Variants in SNX30 observed in about 807,000 individuals in gnomAD.
SNX30 encodes sorting nexin-30.
Under a neutral mutation model 46.4 loss-of-function variants are expected in SNX30, and 24 were observed. The ratio of observed to expected loss-of-function variants is 0.52; its 90% CI spans 0.37 to 0.73. The LOEUF is 0.73. Ranked by LOEUF, SNX30 falls within the 30% of genes least tolerant of loss-of-function variation. SNX30 has a pLI of 0.00. For missense variants in SNX30, 533 were observed against 555.7 expected (o/e 0.96, Z 0.41); for synonymous variants, 189 against 211.5 (o/e 0.89, Z 0.92).
At chr9:112,859,821 G>A (rs1841199624) in intron 7 of SNX30, among the ~76,000 whole-genome samples, 1 of 151,568 alleles carries the variant, frequency 6.6e-6, no homozygotes, top group South Asian at 2.1e-4. Flanking sequence ...TTCTGTTTTT[G>A]TTATTTTTTT....
chr9:112,815,966 C>A (rs1840390288), intron 2 of SNX30, among the ~76,000 whole-genome samples: 2 of 152,190 alleles, frequency 1.3e-5, no homozygotes, highest in African/African-American at 2.4e-5. Flanking sequence ...GCCTCAGCCT[C>A]TGAGTAGTAG....
chr9:112,850,394 A>G (rs1424158492), intron 6 of SNX30, among the ~76,000 whole-genome samples: 1 of 152,228 alleles, frequency 6.6e-6, no homozygotes, highest in East Asian at 1.9e-4. Context: ...TGAATCATTG[A>G]ACAGATCAGT....
At chr9:112,759,941 A>G (rs1016379165) in intron 1 of SNX30, among the ~76,000 whole-genome samples, 4 of 152,044 alleles carry the variant, frequency 2.6e-5, no homozygotes, top group Non-Finnish European at 5.9e-5. Context: ...TATATAGCGA[A>G]CCTTTAAGAA....
intron 3 of SNX30, among the ~76,000 whole-genome samples, chr9:112,820,967 A>G (rs1840482580): frequency 6.6e-6 from 1 of 152,160 alleles, no homozygotes; most frequent in Non-Finnish European, 1.5e-5. Context: ...TTTGGCTATT[A>G]TGAGTAATGC....
At chr9:112,836,726 A>T (rs922648312) in intron 5 of SNX30, among the ~76,000 whole-genome samples, 2 of 152,214 alleles carry the variant, frequency 1.3e-5, no homozygotes, top group African/African-American at 4.8e-5. Flanking sequence ...ACTGCCCTTC[A>T]TCCATAGGGA....
At chr9:112,855,768 A>G (rs1841116313) in intron 7 of SNX30, among the ~76,000 whole-genome samples, 2 of 152,112 alleles carry the variant, frequency 1.3e-5, no homozygotes, top group Non-Finnish European at 2.9e-5. Flanking sequence ...GGAGCTTTGG[A>G]TTCTGGAGAC....
intron 5 of SNX30, 32 bp downstream of exon 5, chr9:112,836,441 C>G (rs749912957): frequency 1.5e-5 from 23 of 1,562,302 alleles, no homozygotes; most frequent in Non-Finnish European, 2.0e-5. Context: ...CGATTATGCC[C>G]TGCAGCCACA....
chr9:112,756,435 CTTTTTTTTTTTTTTT>C (rs61338659), intron 1 of SNX30, among the ~76,000 whole-genome samples: 2 of 67,404 alleles, frequency 3.0e-5, no homozygotes, highest in Admixed American at 2.0e-4. Context: ...TGTAATCATC[CTTTTTTTTTTTTTTT>C]TTTTTTTTTT....
chr9:112,796,583 A>G (rs1840111835), intron 1 of SNX30, among the ~76,000 whole-genome samples: 1 of 152,230 alleles, frequency 6.6e-6, no homozygotes, highest in Non-Finnish European at 1.5e-5. Context: ...AGTCAGAAGC[A>G]TAACGGAAGA....
chr9:112,834,857 CACACACACACACACACACACACACA>C, intron 4 of SNX30, among the ~76,000 whole-genome samples: 1 of 86,726 alleles, frequency 1.2e-5, no homozygotes, highest in Non-Finnish European at 3.1e-5. Flanking sequence ...CACACACACA[CACACACACACACACACACACACACA>C]CCTACCTCAA....
At chr9:112,767,628 C>T (rs953564018) in intron 1 of SNX30, among the ~76,000 whole-genome samples, 4 of 151,980 alleles carry the variant, frequency 2.6e-5, no homozygotes, top group South Asian at 2.1e-4. Flanking sequence ...CTCACTCTGT[C>T]GCCCAGGCTG....
downstream of SNX30, chr9:112,879,889 A>G (rs1841556915): frequency 2.8e-6 from 4 of 1,410,908 alleles, no homozygotes; most frequent in Non-Finnish European, 3.0e-6. Flanking sequence ...CTGCCCTCAC[A>G]GGGTTAATGA....
In SNX30 at chr9:112,871,429, A is replaced by G. The variant is rs1841443258; in HGVS notation, c.*2586A>G. The stretch of plus-strand genomic sequence containing the variant: ...TTGCCTCTTCGTTTTGACCAAGCAC[A>G]AAAGAGATATTCCCTAGAAGTGTCA... On this transcript the variant is annotated 3_prime_UTR_variant, in exon 9 of 9. Coordinates refer to ENST00000374232, the MANE Select transcript of SNX30 (RefSeq NM_001012994.2). 6.6e-6 allele frequency: 1 copy of G among 152,078 alleles called. No individual in the cohort carries two copies. The highest frequency in any genetic ancestry group is 6.5e-5 in the Admixed American group (1 of 15,272). The allele number at this position is 152,078 out of a possible 1,614,324, so 9.4% of individuals were successfully genotyped here. A position where few individuals can be genotyped will look rare whatever the true frequency, so the allele number is the denominator to read the frequency against.
chr9:112,769,635 G>A (rs571585622), intron 1 of SNX30, among the ~76,000 whole-genome samples: 7 of 152,204 alleles, frequency 4.6e-5, no homozygotes, highest in African/African-American at 1.2e-4. Context: ...GGCTGGTTCC[G>A]TCTCATCTCC....
chr9:112,755,695 C>T (rs373850247), intron 1 of SNX30, among the ~76,000 whole-genome samples: 11 of 151,574 alleles, frequency 7.3e-5, no homozygotes, highest in African/African-American at 7.3e-5. Context: ...TACTGGCTCA[C>T]GTTGCTGAAA....
intron 6 of SNX30, among the ~76,000 whole-genome samples, chr9:112,846,591 A>ATTTTATT (rs751146696): frequency 6.6e-5 from 10 of 152,138 alleles, no homozygotes; most frequent in Non-Finnish European, 1.0e-4. Context: ...CTACGTGCGT[A>ATTTTATT]TTTTATTTTT....
chr9:112,794,344 G>A (rs1435199430), intron 1 of SNX30, among the ~76,000 whole-genome samples: 1 of 151,928 alleles, frequency 6.6e-6, no homozygotes, highest in Non-Finnish European at 1.5e-5. Flanking sequence ...GTAGAGATGG[G>A]GTTTTACCAT....
intron 6 of SNX30, among the ~76,000 whole-genome samples, chr9:112,847,733 A>G (rs1184822669): frequency 6.6e-6 from 1 of 152,204 alleles, no homozygotes; most frequent in East Asian, 1.9e-4. Flanking sequence ...TCACAACAAA[A>G]TGTTCTAATG....
At chr9:112,865,777 A>ATG (rs745910215) in intron 8 of SNX30, among the ~76,000 whole-genome samples, 3 of 146,934 alleles carry the variant, frequency 2.0e-5, no homozygotes, top group Admixed American at 6.8e-5. Flanking sequence ...GTATGTATGT[A>ATG]TATATATATA....
Sources: gnomAD v4.1 joint callset for allele counts (sites outside exome capture counted in the v4.1 genomes callset) on GRCh38, gnomAD v4.1.1 for gene constraint, MANE v1.5 for transcripts, NCBI Gene and HGNC (gene_info 2026-07-23, HGNC 2026-07-21) for gene names.